The following ERICH3 variants were observed in gnomAD, a reference collection of about 807,000 sequenced individuals.
ERICH3 encodes the protein glutamate rich 3.
ERICH3 carries 126 observed loss-of-function variants against 131.1 expected under a neutral mutation model. The observed-to-expected ratio is 0.96, with a 90% CI of 0.83 to 1.11. The LOEUF (loss-of-function observed/expected upper bound fraction) is 1.11. Ranked by LOEUF, ERICH3 falls within the 50% of genes most tolerant of loss-of-function variation. The pLI, the probability that ERICH3 is intolerant of heterozygous loss-of-function variation, is 0.00. For synonymous variants in ERICH3, 695 were observed against 644.6 expected, an observed-to-expected ratio of 1.08 and a Z score of -1.18; for missense variants, 2,050 against 1,810.7, an observed-to-expected ratio of 1.13 and a Z score of -2.40.
chr1:74,592,614 G>A (rs972063867), intron 11 of ERICH3, among the ~76,000 whole-genome samples: 2 of 152,100 alleles, frequency 1.3e-5, no homozygotes, highest in Admixed American at 1.3e-4. Flanking sequence ...TTCTTTAGCA[G>A]CTTCCATTAA....
At chr1:74,577,620 G>A (rs1056583576) in intron 12 of ERICH3, 1 of 152,066 alleles carries the variant, frequency 6.6e-6, no homozygotes, top group African/African-American at 2.4e-5. Flanking sequence ...AAAAATCTCT[G>A]AAGCATAAAC....
At chr1:74,597,988 C>T (rs927963305) in intron 11 of ERICH3, among the ~76,000 whole-genome samples, 7 of 152,026 alleles carry the variant, frequency 4.6e-5, no homozygotes, top group African/African-American at 1.7e-4. Flanking sequence ...CTGTAGTCTG[C>T]CACTGGTGTT....
chr1:74,602,938 C>T (rs2100582555), intron 10 of ERICH3, among the ~76,000 whole-genome samples: 1 of 151,978 alleles, frequency 6.6e-6, no homozygotes, highest in East Asian at 1.9e-4. Context: ...GAATGGTGAG[C>T]TGGTAAAAGT....
intron 12 of ERICH3, among the ~76,000 whole-genome samples, chr1:74,580,126 T>C (rs1429345749): frequency 6.6e-6 from 1 of 152,094 alleles, no homozygotes; most frequent in Non-Finnish European, 1.5e-5. Flanking sequence ...ATAATTATCA[T>C]AGTTTCACTA....
At chr1:74,639,296 C>T (rs917419044) in intron 5 of ERICH3, among the ~76,000 whole-genome samples, 8 of 152,150 alleles carry the variant, frequency 5.3e-5, no homozygotes, top group African/African-American at 1.9e-4. Context: ...CAAACTAGAA[C>T]ATGATCTATT....
At chr1:74,643,288 G>T (rs986189485) in intron 3 of ERICH3, among the ~76,000 whole-genome samples, 190 bp from the exon 4 acceptor site, 1 of 152,082 alleles carries the variant, frequency 6.6e-6, no homozygotes, top group African/African-American at 2.4e-5. Context: ...ATTCAATTTT[G>T]AACATATATT....
At chr1:74,621,865 A>G (rs699855) in intron 7 of ERICH3, 3,648 of 152,228 alleles carry the variant, frequency 0.024, 108 homozygotes, top group African/African-American at 0.07. Context: ...AAAGACTTTA[A>G]GGGGGGCTAG....
chr1:74,571,104 G>T lies in ERICH3; in HGVS notation c.*13C>A. 4 of 1,606,794 alleles carry T rather than the reference G, an allele frequency of 2.5e-6. No homozygotes were observed. Among genetic ancestry groups the T allele is most frequent in the Non-Finnish European group, 2.6e-6 (3 of 1,176,098 alleles). Reference sequence around the variant, plus strand: ...GACATTACGCTTAAACTCACTGTCTGCCAGCAAGTCTCCTAGACCTGCACG... The same window carrying T: ...GACATTACGCTTAAACTCACTGTCTTCCAGCAAGTCTCCTAGACCTGCACG... On this transcript the variant is annotated 3_prime_UTR_variant, in exon 14 of 15. Transcript: ENST00000326665.
chr1:74,667,350 G>A (rs1052983566), intron 1 of ERICH3, among the ~76,000 whole-genome samples: 2 of 152,140 alleles, frequency 1.3e-5, no homozygotes, highest in East Asian at 3.9e-4. Context: ...TATTTAAACT[G>A]ACTGACATGT....
intron 12 of ERICH3, chr1:74,586,327 A>T (rs1182799061): frequency 1.2e-6 from 1 of 840,902 alleles, no homozygotes; most frequent in Non-Finnish European, 1.4e-6. Flanking sequence ...TAACATATGT[A>T]TATGTATCTT....
chr1:74,667,439 A>G (rs1321621988), intron 1 of ERICH3, among the ~76,000 whole-genome samples: 1 of 152,198 alleles, frequency 6.6e-6, no homozygotes, highest in African/African-American at 2.4e-5. Flanking sequence ...GGAAATTCCA[A>G]TAATTCAGTC....
intron 9 of ERICH3, among the ~76,000 whole-genome samples, chr1:74,610,110 G>T (rs1439925207): frequency 6.6e-6 from 1 of 151,912 alleles, no homozygotes; most frequent in Non-Finnish European, 1.5e-5. Flanking sequence ...TAAATGACCT[G>T]CTCTCAAATC....
chr1:74,607,975 C>T (rs891449405), intron 9 of ERICH3, among the ~76,000 whole-genome samples: 1 of 151,888 alleles, frequency 6.6e-6, no homozygotes, highest in South Asian at 2.1e-4. Flanking sequence ...GAACTATCAT[C>T]ACCACTTTAC....
chr1:74,673,650 T>A lies in ERICH3; in HGVS notation c.-131A>T. On this transcript the variant is annotated 5_prime_UTR_variant, in exon 1 of 15. Coordinates refer to ENST00000326665, the MANE Select transcript of ERICH3 (RefSeq NM_001002912.5). The stretch of plus-strand genomic sequence containing the variant: ...CCGAGGTCCCCTGTGCGCGGGCACC[T>A]GGGCTGGGCCGCCGCCGCCCCTGGG... 2 of 953,290 alleles carry A rather than the reference T, an allele frequency of 2.1e-6. No homozygotes were observed. The highest frequency in any genetic ancestry group is 3.6e-4 in the Middle Eastern group (1 of 2,794). 59.1% of individuals were successfully genotyped at this position (953,290 alleles called of 1,614,324 possible).
intron 1 of ERICH3, among the ~76,000 whole-genome samples, chr1:74,664,782 C>T (rs1049114047): frequency 6.6e-6 from 1 of 152,156 alleles, no homozygotes; most frequent in African/African-American, 2.4e-5. Flanking sequence ...TCTGTTCCAA[C>T]CAGCATCAGG....
Position 74,612,699 on chromosome 1 carries a change from G to T in ERICH3, c.1111C>A (p.Arg371=). 1 of 1,603,130 alleles carries T rather than the reference G, an allele frequency of 6.2e-7. No individual in the cohort carries two copies. Among genetic ancestry groups the T allele is most frequent in the Non-Finnish European group, 8.5e-7 (1 of 1,171,818 alleles). The change falls in exon 9 of 15, where the codon CGG becomes AGG. Residue 371 remains arginine, a synonymous_variant. Transcript: ENST00000326665. The part of the protein sequence containing the change: ...RLSSCCEYKH[R]KGSRLGGKRG... ...TTGCCTCCAAGCCTGGAACCTTTCC[G>T]ATGCTTGTATTCACAACAGGAGCTT... is the stretch of plus-strand genomic sequence containing the variant.
At chr1:74,573,550 C>T in intron 13 of ERICH3, 59 bp from the exon 14 acceptor site, 1 of 1,451,660 alleles carries the variant, frequency 6.9e-7, no homozygotes, top group East Asian at 2.4e-5. Context: ...AGGGAGGGGA[C>T]ACTATAATCT....
chr1:74,619,571 C>T (rs1395049499), intron 8 of ERICH3, among the ~76,000 whole-genome samples: 1 of 152,290 alleles, frequency 6.6e-6, no homozygotes, highest in East Asian at 1.9e-4. Context: ...GATCAAGGGC[C>T]TTGCACCTAG....
In ERICH3 at chr1:74,576,953, A is replaced by T. The variant is rs1425268379; in HGVS notation, c.2177-17T>A. ...AATCCTTTCCTAGTTAAAAAAAAAA[A>T]AAAGAAAAAAAAGGTCAAATGAATC... is the stretch of plus-strand genomic sequence containing the variant. On this transcript the variant is annotated splice_polypyrimidine_tract_variant and intron_variant, in intron 12 of 14. Transcript: ENST00000326665. 11 of 1,590,680 alleles carry T rather than the reference A, an allele frequency of 6.9e-6. 1 individual carries two copies. In the African/African-American group the frequency reaches 1.5e-4, roughly 22 times the overall value.
Sources: allele counts gnomAD v4.1 joint callset (sites outside exome capture counted in the v4.1 genomes callset), GRCh38; gene constraint gnomAD v4.1.1; transcripts MANE v1.5; gene names NCBI Gene and HGNC (gene_info 2026-07-23, HGNC 2026-07-21).